The following CCDC148 variants were observed in gnomAD, a reference collection of about 807,000 sequenced individuals.
The protein encoded by CCDC148 is coiled-coil domain containing 148, also known as coiled-coil domain-containing protein 148.
In CCDC148, 89 loss-of-function variants were observed where a neutral mutation model predicts 85.7. That is an observed-to-expected ratio of 1.04 (90% CI 0.87 to 1.24). The LOEUF (loss-of-function observed/expected upper bound fraction) is 1.24, where lower values mean the gene tolerates loss of function less well. Among genes scored for constraint, CCDC148 ranks in the 50% most tolerant of loss-of-function variants. The probability of loss-of-function intolerance (pLI) is 0.00; values close to 1 mark genes in which losing one functional copy is unlikely to be tolerated. For synonymous variants in CCDC148, 230 were observed against 213.9 expected (o/e 1.08, Z -0.66); for missense variants, 692 against 671.7 (o/e 1.03, Z -0.33).
rs577123113 is a variant in CCDC148 at position 158,210,959 on chromosome 2, G to C, written c.1370+9636C>G. Among the ~76,000 whole-genome samples the C allele has an allele frequency of 1.3e-4, 9 of 70,398 alleles. No homozygotes were observed. In the South Asian group the frequency reaches 2.4e-3, roughly 19 times the overall value. 46.2% of individuals were successfully genotyped at this position (70,398 alleles called of 152,430 possible). ...GGGCGACAGAGCAAGACTCTGTCTC[G>C]AAAAAAAAAAAAAAAAAAGAAACAA... On this transcript the variant is annotated intron_variant, in intron 11 of 13. Coordinates refer to ENST00000283233, the MANE Select transcript of CCDC148 (RefSeq NM_138803.4).
intron 9 of CCDC148, among the ~76,000 whole-genome samples, chr2:158,299,500 A>G (rs1375146146): frequency 6.6e-6 from 1 of 152,124 alleles, no homozygotes; most frequent in African/African-American, 2.4e-5. Context: ...GTTTCTATCC[A>G]CCTCATATTG....
chr2:158,410,582 T>A (rs1377077645), intron 1 of CCDC148, among the ~76,000 whole-genome samples: 1 of 152,202 alleles, frequency 6.6e-6, no homozygotes, highest in African/African-American at 2.4e-5. Flanking sequence ...ATTTATTTAT[T>A]TTAAATCGAT....
intron 10 of CCDC148, among the ~76,000 whole-genome samples, chr2:158,235,178 T>A (rs1223592468): frequency 6.6e-6 from 1 of 152,188 alleles, no homozygotes; most frequent in Non-Finnish European, 1.5e-5. Context: ...TTGTGTATAT[T>A]ATGTGTAAGT....
At chr2:158,321,158 T>C (rs1413101729) in intron 7 of CCDC148, among the ~76,000 whole-genome samples, 1 of 152,152 alleles carries the variant, frequency 6.6e-6, no homozygotes, top group African/African-American at 2.4e-5. Flanking sequence ...ACACCAAATG[T>C]GGTTTTTGGT....
In CCDC148 at chr2:158,282,788, C is replaced by T. The variant is rs553241248; in HGVS notation, c.1110+26645G>A. On this transcript the variant is annotated intron_variant, in intron 9 of 13. Transcript: ENST00000283233. ...AATTGGAAAAAACTACTTTAAAGTTCATATGGAACCAAAAAAGAGCCCACA... is the reference window on the plus strand; with the variant it reads ...AATTGGAAAAAACTACTTTAAAGTTTATATGGAACCAAAAAAGAGCCCACA... Among the ~76,000 whole-genome samples, 661 of 152,210 alleles carry T rather than the reference C, an allele frequency of 4.3e-3. 1 individual carries two copies. Among genetic ancestry groups the T allele is most frequent in the Middle Eastern group, 0.014 (4 of 294 alleles).
intron 9 of CCDC148, among the ~76,000 whole-genome samples, chr2:158,252,924 T>C (rs931019206): frequency 6.6e-6 from 1 of 151,830 alleles, no homozygotes; most frequent in Non-Finnish European, 1.5e-5. Context: ...ATTCAACATC[T>C]TTAACTTTGC....
rs1688775770 is a variant in CCDC148 at position 158,456,715 on chromosome 2, T to C, written c.-276A>G. On this transcript the variant is annotated 5_prime_UTR_variant, in exon 1 of 14. Transcript: ENST00000283233. ...GACACCTTCTCTCTCACACCCACCC[T>C]CTCCAGGCCCTCTCGCGCTGAACAG... 2.0e-6 allele frequency: 1 copy of C among 504,116 alleles called. No individual in the cohort carries two copies. The highest frequency in any genetic ancestry group is 3.5e-6 in the Non-Finnish European group (1 of 281,926). 31.2% of individuals were successfully genotyped at this position (504,116 alleles called of 1,614,324 possible).
At chr2:158,366,493 G>A (rs1403901370) in intron 1 of CCDC148, among the ~76,000 whole-genome samples, 4 of 152,128 alleles carry the variant, frequency 2.6e-5, no homozygotes, top group Non-Finnish European at 5.9e-5. Flanking sequence ...CAAAGGACTC[G>A]CTGCCTTGCT....
At chr2:158,370,081 G>A (rs1574708918) in intron 1 of CCDC148, among the ~76,000 whole-genome samples, 1 of 152,040 alleles carries the variant, frequency 6.6e-6, no homozygotes, top group Admixed American at 6.6e-5. Flanking sequence ...TTTTATTGAG[G>A]ATTTTTACAT....
chr2:158,405,785 C>T (rs533662742), intron 1 of CCDC148, among the ~76,000 whole-genome samples: 41 of 152,160 alleles, frequency 2.7e-4, no homozygotes, highest in African/African-American at 9.6e-4. Flanking sequence ...GAATTATTGA[C>T]ATTAATTGCA....
chr2:158,431,130 G>C (rs1687328741), intron 1 of CCDC148, among the ~76,000 whole-genome samples: 1 of 151,492 alleles, frequency 6.6e-6, no homozygotes, highest in Admixed American at 6.6e-5. Flanking sequence ...TGGAATGCTA[G>C]AAGAAAGGAG....
intron 9 of CCDC148, among the ~76,000 whole-genome samples, chr2:158,305,373 GGTTGA>G (rs1691635849): frequency 6.6e-6 from 1 of 152,174 alleles, no homozygotes; most frequent in Non-Finnish European, 1.5e-5. Flanking sequence ...CTGAGACTGA[GGTTGA>G]ACCAGTATTG....
chr2:158,416,913 G>T (rs776056032), intron 1 of CCDC148, among the ~76,000 whole-genome samples: 6 of 152,166 alleles, frequency 3.9e-5, no homozygotes, highest in Non-Finnish European at 7.4e-5. Context: ...TCATGGTTCT[G>T]CAGGCTGTAC....
intron 7 of CCDC148, among the ~76,000 whole-genome samples, chr2:158,324,075 G>A (rs1014983743): frequency 1.3e-5 from 2 of 151,358 alleles, no homozygotes; most frequent in Non-Finnish European, 2.9e-5. Flanking sequence ...CACCACTACT[G>A]CCCAGCTAAT....
intron 11 of CCDC148, 106 bp downstream of exon 11, chr2:158,220,489 A>G: frequency 1.4e-6 from 1 of 708,510 alleles, no homozygotes; most frequent in Non-Finnish European, 2.4e-6. Flanking sequence ...TTGAAAGGAT[A>G]CATTAAGTAT....
At chr2:158,294,724 T>C (rs952158769) in intron 9 of CCDC148, among the ~76,000 whole-genome samples, 19 of 150,064 alleles carry the variant, frequency 1.3e-4, no homozygotes, top group Admixed American at 7.4e-4. Context: ...TGCAGGAGGC[T>C]GAGGCATGAG....
chr2:158,345,094 A>G, intron 3 of CCDC148, 121 bp downstream of exon 3: 2 of 630,842 alleles, frequency 3.2e-6, no homozygotes, highest in Non-Finnish European at 2.6e-6. Context: ...TCACATTCAA[A>G]TCGTAACTTT....
At position 158,240,298 on chromosome 2, in the gene CCDC148, C is replaced by T. The variant is rs372082581; in HGVS notation, c.1251+10474G>A. ...AGCCAACTTTAGATCATCTGAATGA[C>T]ACTGTACTATTGAGTCCTGCCATGG... On this transcript the variant is annotated intron_variant, in intron 10 of 13. Coordinates refer to ENST00000283233, the MANE Select transcript of CCDC148 (RefSeq NM_138803.4). Among the ~76,000 whole-genome samples the T allele has an allele frequency of 1.3e-4, 20 of 152,102 alleles. 1 individual carries two copies. The highest frequency in any genetic ancestry group is 9.2e-4 in the Admixed American group (14 of 15,262).
At chr2:158,227,709 T>G (rs1441746330) in intron 10 of CCDC148, among the ~76,000 whole-genome samples, 6 of 151,980 alleles carry the variant, frequency 3.9e-5, no homozygotes, top group Non-Finnish European at 7.4e-5. Context: ...AATGGGGAAA[T>G]GATTCCCTAT....
Sources: allele counts gnomAD v4.1 joint callset (sites outside exome capture counted in the v4.1 genomes callset), GRCh38; gene constraint gnomAD v4.1.1; transcripts MANE v1.5; gene names NCBI Gene and HGNC (gene_info 2026-07-23, HGNC 2026-07-21).